Variants in ADAMTS12 observed in about 807,000 individuals in gnomAD.
The protein encoded by ADAMTS12 is ADAM metallopeptidase with thrombospondin type 1 motif 12, also known as A disintegrin and metalloproteinase with thrombospondin motifs 12.
Under a neutral mutation model 167.8 loss-of-function variants are expected in ADAMTS12, and 118 were observed. The ratio of observed to expected loss-of-function variants is 0.70; its 90% CI spans 0.61 to 0.82. ADAMTS12 has a LOEUF of 0.82. Among genes scored for constraint, ADAMTS12 ranks in the 40% least tolerant of loss-of-function variants. The pLI is 0.00. For missense variants in ADAMTS12, 1,916 were observed against 1,998.8 expected (o/e 0.96, Z 0.79); for synonymous variants, 704 against 716.9 (o/e 0.98, Z 0.29).
chr5:33,802,350 T>C (rs1380425822), intron 2 of ADAMTS12, among the ~76,000 whole-genome samples: 2 of 152,172 alleles, frequency 1.3e-5, no homozygotes, highest in African/African-American at 4.8e-5. Context: ...TAAGCAAAGC[T>C]AAGCTGGGCC....
At chr5:33,840,892 A>C (rs1200693602) in intron 2 of ADAMTS12, among the ~76,000 whole-genome samples, 1 of 152,226 alleles carries the variant, frequency 6.6e-6, no homozygotes, top group East Asian at 1.9e-4. Context: ...GCCTCAGTTT[A>C]GTGCAGTGCT....
rs146994702 is a variant in ADAMTS12 at position 33,788,802 on chromosome 5, C to T, written c.490-37254G>A. On this transcript the variant is annotated intron_variant, in intron 2 of 23. Transcript: ENST00000504830. Reference sequence around the variant, plus strand: ...CACTTGGCAGTTACTAAAGCACATGCGCACACATTCACCTTTGTTCTTCCC... The same window carrying T: ...CACTTGGCAGTTACTAAAGCACATGTGCACACATTCACCTTTGTTCTTCCC... Among the ~76,000 whole-genome samples, 930 of 152,306 alleles carry T rather than the reference C, an allele frequency of 6.1e-3. 17 individuals are homozygous for T. The highest frequency in any genetic ancestry group is 0.021 in the African/African-American group (875 of 41,550).
At chr5:33,727,598 C>T (rs146721896) in intron 3 of ADAMTS12, among the ~76,000 whole-genome samples, 40 of 152,308 alleles carry the variant, frequency 2.6e-4, no homozygotes, top group African/African-American at 8.7e-4. Context: ...GCTCTCTTTC[C>T]AAGCTTATTC....
At chr5:33,687,520 G>C (rs1308815722) in intron 3 of ADAMTS12, among the ~76,000 whole-genome samples, 1 of 152,228 alleles carries the variant, frequency 6.6e-6, no homozygotes, top group African/African-American at 2.4e-5. Flanking sequence ...AGAGACAAAG[G>C]AGTATGTGAC....
intron 22 of ADAMTS12, among the ~76,000 whole-genome samples, chr5:33,543,950 A>G (rs1744834768): frequency 6.6e-6 from 1 of 152,210 alleles, no homozygotes; most frequent in South Asian, 2.1e-4. Flanking sequence ...GAAAACTGGC[A>G]CAAGACAGGG....
intron 3 of ADAMTS12, among the ~76,000 whole-genome samples, chr5:33,748,921 A>T (rs1744882464): frequency 6.6e-6 from 1 of 152,218 alleles, no homozygotes; most frequent in African/African-American, 2.4e-5. Flanking sequence ...GTGTAGTTTA[A>T]GAATATTCAC....
chr5:33,528,624 T>A (rs1257328831), intron 23 of ADAMTS12, among the ~76,000 whole-genome samples: 5 of 152,228 alleles, frequency 3.3e-5, no homozygotes, highest in Non-Finnish European at 7.3e-5. Flanking sequence ...AGTGAAGAAC[T>A]TGTATAAGGT....
intron 11 of ADAMTS12, among the ~76,000 whole-genome samples, chr5:33,641,394 A>T (rs1740436166): frequency 6.6e-6 from 1 of 152,226 alleles, no homozygotes; most frequent in South Asian, 2.1e-4. Flanking sequence ...TTCTCATAAA[A>T]TTGTGTATTC....
chr5:33,870,077 G>A (rs1289993601), intron 2 of ADAMTS12, among the ~76,000 whole-genome samples: 1 of 152,092 alleles, frequency 6.6e-6, no homozygotes, highest in African/African-American at 2.4e-5. Flanking sequence ...GTCCTGCCTG[G>A]CCCCCAGGCA....
chr5:33,616,555 T>C (rs1243303935), intron 14 of ADAMTS12, among the ~76,000 whole-genome samples: 3 of 152,194 alleles, frequency 2.0e-5, no homozygotes, highest in Non-Finnish European at 4.4e-5. Flanking sequence ...CTAGCTTCCA[T>C]TCATTAAGAA....
chr5:33,790,873 G>C (rs1216141604), intron 2 of ADAMTS12, among the ~76,000 whole-genome samples: 1 of 151,350 alleles, frequency 6.6e-6, no homozygotes, highest in African/African-American at 2.4e-5. Context: ...GTATATGTAA[G>C]AATACTGAAT....
chr5:33,759,458 TC>T (rs1196018858), intron 2 of ADAMTS12, among the ~76,000 whole-genome samples: 1 of 152,224 alleles, frequency 6.6e-6, no homozygotes, highest in Non-Finnish European at 1.5e-5. Context: ...CTTAGTTTCC[TC>T]ATCTGTAAAA....
At chr5:33,820,786 G>A (rs1217910337) in intron 2 of ADAMTS12, among the ~76,000 whole-genome samples, 2 of 152,200 alleles carry the variant, frequency 1.3e-5, no homozygotes, top group African/African-American at 4.8e-5. Context: ...AGAATATTAT[G>A]CAGCATGAAA....
intron 1 of ADAMTS12, among the ~76,000 whole-genome samples, chr5:33,888,943 T>C (rs1280316373): frequency 6.6e-6 from 1 of 152,220 alleles, no homozygotes; most frequent in Non-Finnish European, 1.5e-5. Context: ...ACTGGATTTA[T>C]CTCCATACTC....
chr5:33,708,856 C>T (rs1435581900), intron 3 of ADAMTS12, among the ~76,000 whole-genome samples: 3 of 151,580 alleles, frequency 2.0e-5, no homozygotes, highest in African/African-American at 4.8e-5. Flanking sequence ...GATAACGGGT[C>T]GATGTGTGCA....
intron 1 of ADAMTS12, among the ~76,000 whole-genome samples, chr5:33,884,162 C>A (rs905496297): frequency 6.6e-6 from 1 of 152,188 alleles, no homozygotes; most frequent in Non-Finnish European, 1.5e-5. Context: ...CACTGGGAAA[C>A]CTCTGCTCCC....
At chr5:33,595,025 G>A (rs1203299035) in intron 17 of ADAMTS12, among the ~76,000 whole-genome samples, 1 of 152,140 alleles carries the variant, frequency 6.6e-6, no homozygotes, top group East Asian at 1.9e-4. Flanking sequence ...ATACATCCCT[G>A]TTTAAGGTTG....
intron 5 of ADAMTS12, among the ~76,000 whole-genome samples, chr5:33,670,704 T>C (rs1368744297): frequency 2.6e-5 from 4 of 152,188 alleles, no homozygotes; most frequent in Non-Finnish European, 5.9e-5. Context: ...ATCGTGCCAC[T>C]GCACTCCAGC....
At chr5:33,811,503 G>C (rs1321407752) in intron 2 of ADAMTS12, among the ~76,000 whole-genome samples, 1 of 152,120 alleles carries the variant, frequency 6.6e-6, no homozygotes, top group Non-Finnish European at 1.5e-5. Context: ...GTCAGGAAGA[G>C]GAAATGGAAC....
Sources: allele counts gnomAD v4.1 joint callset (sites outside exome capture counted in the v4.1 genomes callset), GRCh38; gene constraint gnomAD v4.1.1; transcripts MANE v1.5; gene names NCBI Gene and HGNC (gene_info 2026-07-23, HGNC 2026-07-21).